AUTS2: variants seen among roughly 807,000 people sequenced by gnomAD.
AUTS2 encodes the protein autism susceptibility gene 2 protein.
In AUTS2, 17 loss-of-function variants were observed where a neutral mutation model predicts 112.4. That is an observed-to-expected ratio of 0.15 (90% CI 0.10 to 0.23). The LOEUF (loss-of-function observed/expected upper bound fraction) is 0.23. Ranked by LOEUF, AUTS2 falls within the 10% of genes least tolerant of loss-of-function variation. AUTS2 has a pLI of 1.00. For synonymous variants in AUTS2, 751 were observed against 702.7 expected, an observed-to-expected ratio of 1.07 and a Z score of -1.09; for missense variants, 1,510 against 1,701.6, an observed-to-expected ratio of 0.89 and a Z score of 1.98.
intron 4 of AUTS2, among the ~76,000 whole-genome samples, chr7:70,247,817 G>T (rs1006098896): frequency 1.3e-5 from 2 of 152,032 alleles, no homozygotes; most frequent in African/African-American, 4.8e-5. Context: ...TTCTTGCCTT[G>T]ATCTTAAAAG....
intron 2 of AUTS2, among the ~76,000 whole-genome samples, chr7:70,078,138 A>G (rs900896855): frequency 3.9e-5 from 6 of 152,174 alleles, no homozygotes; most frequent in African/African-American, 1.2e-4. Context: ...TAGTCCTTAC[A>G]GTAGTCCCTT....
chr7:70,734,177 C>G (rs552394997), intron 6 of AUTS2, among the ~76,000 whole-genome samples: 1 of 152,064 alleles, frequency 6.6e-6, no homozygotes, highest in Admixed American at 6.5e-5. Flanking sequence ...TGGTGGCTCA[C>G]GCCTGTAATC....
At chr7:70,058,685 A>T (rs1236312606) in intron 2 of AUTS2, among the ~76,000 whole-genome samples, 1 of 151,752 alleles carries the variant, frequency 6.6e-6, no homozygotes, top group Non-Finnish European at 1.5e-5. Context: ...AACTTGAATC[A>T]CAAAATCTTA....
intron 5 of AUTS2, among the ~76,000 whole-genome samples, chr7:70,526,808 C>T (rs1163734666): frequency 5.3e-5 from 8 of 152,174 alleles, no homozygotes; most frequent in Non-Finnish European, 1.2e-4. Context: ...TTTGAAGTTC[C>T]TGCCCTTGCC....
At chr7:70,634,467 G>A (rs1342226055) in intron 5 of AUTS2, among the ~76,000 whole-genome samples, 1 of 152,162 alleles carries the variant, frequency 6.6e-6, no homozygotes, top group Non-Finnish European at 1.5e-5. Context: ...AAATGACCTT[G>A]CATGCTTGAG....
At chr7:69,902,544 T>C (rs977448050) in intron 2 of AUTS2, among the ~76,000 whole-genome samples, 1 of 152,186 alleles carries the variant, frequency 6.6e-6, no homozygotes, top group African/African-American at 2.4e-5. Context: ...GTTTGCATCT[T>C]ATTAGGAAAT....
At chr7:70,221,890 A>G (rs1811507372) in intron 4 of AUTS2, among the ~76,000 whole-genome samples, 1 of 152,236 alleles carries the variant, frequency 6.6e-6, no homozygotes, top group Non-Finnish European at 1.5e-5. Flanking sequence ...TGTGTCTCAA[A>G]AAAATAATAA....
intron 4 of AUTS2, among the ~76,000 whole-genome samples, chr7:70,175,823 T>C (rs897577318): frequency 2.6e-5 from 4 of 152,222 alleles, no homozygotes; most frequent in African/African-American, 9.6e-5. Flanking sequence ...TAGCCTAATA[T>C]GTCTATTAGT....
chr7:70,315,795 C>A (rs1375969266), intron 4 of AUTS2, among the ~76,000 whole-genome samples: 2 of 152,158 alleles, frequency 1.3e-5, no homozygotes, highest in African/African-American at 4.8e-5. Context: ...CTAGACCTTT[C>A]TTTGATTCTT....
At chr7:70,435,655 T>A (rs987649773) in intron 4 of AUTS2, 97 bp from the exon 5 acceptor site, 2 of 1,206,328 alleles carry the variant, frequency 1.7e-6, no homozygotes. Flanking sequence ...TTACTTATCT[T>A]GCACTTTTTT....
chr7:69,723,159 G>A (rs970756754), intron 1 of AUTS2, among the ~76,000 whole-genome samples: 7 of 152,038 alleles, frequency 4.6e-5, no homozygotes, highest in Non-Finnish European at 1.0e-4. Flanking sequence ...ATCATTCACA[G>A]CAGCCAGTGT....
chr7:70,493,288 T>C (rs979711164), intron 5 of AUTS2, among the ~76,000 whole-genome samples: 4 of 152,204 alleles, frequency 2.6e-5, no homozygotes, highest in African/African-American at 9.7e-5. Flanking sequence ...GTCTTATCTG[T>C]CTCCAGCTCT....
chr7:70,679,109 G>A (rs1033451135), intron 5 of AUTS2, among the ~76,000 whole-genome samples: 3 of 152,150 alleles, frequency 2.0e-5, no homozygotes, highest in African/African-American at 4.8e-5. Flanking sequence ...GTGGCAAAAT[G>A]TTATCAATGG....
intron 5 of AUTS2, among the ~76,000 whole-genome samples, chr7:70,507,846 A>G (rs140756305): frequency 1.8e-3 from 278 of 152,276 alleles, no homozygotes; most frequent in African/African-American, 6.1e-3. Context: ...AACCAACCCA[A>G]AATAAGATGG....
intron 1 of AUTS2, among the ~76,000 whole-genome samples, chr7:69,741,719 A>G (rs1407940730): frequency 6.6e-6 from 1 of 151,744 alleles, no homozygotes; most frequent in Non-Finnish European, 1.5e-5. Context: ...AAAAAAAAAA[A>G]TCCATAGCCT....
At chr7:70,251,454 T>G (rs1320703557) in intron 4 of AUTS2, among the ~76,000 whole-genome samples, 3 of 152,224 alleles carry the variant, frequency 2.0e-5, no homozygotes, top group Admixed American at 6.5e-5. Flanking sequence ...GTGACCACTT[T>G]TATCAGTTAA....
intron 14 of AUTS2, 108 bp downstream of exon 14, chr7:70,777,282 C>G: frequency 1.0e-6 from 1 of 987,932 alleles, no homozygotes; most frequent in East Asian, 2.5e-5. Context: ...TTTACAGACC[C>G]ATAGTTAGGA....
At chr7:69,953,823 C>CA (rs1156232474) in intron 2 of AUTS2, among the ~76,000 whole-genome samples, 8 of 152,158 alleles carry the variant, frequency 5.3e-5, no homozygotes, top group African/African-American at 1.9e-4. Flanking sequence ...TTAGTACCCC[C>CA]CCAACTACTT....
chr7:69,664,920 T>C (rs1420955264), intron 1 of AUTS2, among the ~76,000 whole-genome samples: 1 of 152,202 alleles, frequency 6.6e-6, no homozygotes, highest in East Asian at 1.9e-4. Flanking sequence ...AGGGGTTTAA[T>C]TTAGGATATA....
Sources: allele counts gnomAD v4.1 joint callset (sites outside exome capture counted in the v4.1 genomes callset), GRCh38; gene constraint gnomAD v4.1.1; transcripts MANE v1.5; gene names NCBI Gene and HGNC (gene_info 2026-07-23, HGNC 2026-07-21).